TANC1: variants seen among roughly 807,000 people sequenced by gnomAD.
The protein encoded by TANC1 is protein TANC1.
In TANC1, 77 loss-of-function variants were observed where a neutral mutation model predicts 149.7. The ratio of observed to expected loss-of-function variants is 0.51; its 90% CI spans 0.43 to 0.62. The LOEUF (loss-of-function observed/expected upper bound fraction) is 0.62. Among genes scored for constraint, TANC1 ranks in the 20% least tolerant of loss-of-function variants. The pLI is 0.00. For synonymous variants in TANC1, 854 were observed against 925.0 expected, an observed-to-expected ratio of 0.92 and a Z score of 1.39; for missense variants, 1,985 against 2,321.8, an observed-to-expected ratio of 0.85 and a Z score of 2.98.
intron 19 of TANC1, among the ~76,000 whole-genome samples, chr2:159,202,540 G>A (rs1048976346): frequency 3.9e-5 from 6 of 152,106 alleles, no homozygotes; most frequent in African/African-American, 1.4e-4. Context: ...TCAGAACTCA[G>A]TTCTGTCGTT....
At chr2:159,093,925 A>G (rs529327335) in intron 3 of TANC1, among the ~76,000 whole-genome samples, 178 of 152,324 alleles carry the variant, frequency 1.2e-3, no homozygotes, top group African/African-American at 4.0e-3. Context: ...TATGGGCAGA[A>G]TTTATAATTA....
chr2:158,996,767 C>T (rs1278079371), intron 1 of TANC1, among the ~76,000 whole-genome samples: 3 of 152,028 alleles, frequency 2.0e-5, no homozygotes, highest in African/African-American at 4.8e-5. Flanking sequence ...CAGGGATACA[C>T]GTAGACATAA....
intron 21 of TANC1, 154 bp from the exon 22 acceptor site, chr2:159,219,538 T>G: frequency 2.4e-6 from 3 of 1,242,144 alleles, no homozygotes; most frequent in Admixed American, 1.9e-5. Context: ...TCAGCAGCGA[T>G]GACCATTCTG....
intron 4 of TANC1, among the ~76,000 whole-genome samples, chr2:159,123,879 A>G (rs2049113405): frequency 6.6e-6 from 1 of 152,142 alleles, no homozygotes; most frequent in Non-Finnish European, 1.5e-5. Flanking sequence ...CAGTGACGCC[A>G]GTCTCCCCTC....
rs138952056 is a variant in TANC1 at position 159,031,101 on chromosome 2, GCTCC to G, written c.-16+29913_-16+29916del. 2.6e-3 allele frequency among the ~76,000 whole-genome samples: 403 copies of G among 152,278 alleles called. 3 individuals are homozygous for G. The highest frequency in any genetic ancestry group is 9.5e-3 in the African/African-American group (393 of 41,546). The stretch of plus-strand genomic sequence containing the variant: ...GCAGATTATCCAGAGAGGGTCTCAG[GCTCC>G]TTATCAGAACTGAGCTAGAGGGTGA... On this transcript the variant is annotated intron_variant, in intron 2 of 26. Transcript: ENST00000263635.
intron 3 of TANC1, among the ~76,000 whole-genome samples, chr2:159,071,343 G>C (rs1174697302): frequency 6.6e-6 from 1 of 152,074 alleles, no homozygotes; most frequent in Non-Finnish European, 1.5e-5. Flanking sequence ...TAAATTATTT[G>C]TGCTTTATTT....
intron 9 of TANC1, 45 bp from the exon 10 acceptor site, chr2:159,170,479 T>C (rs2055084495): frequency 2.0e-6 from 3 of 1,525,352 alleles, no homozygotes; most frequent in Non-Finnish European, 2.7e-6. Context: ...TCTTAGTTTA[T>C]AAAATTATGA....
chr2:159,010,389 G>A (rs536748837), intron 2 of TANC1, among the ~76,000 whole-genome samples: 3 of 152,208 alleles, frequency 2.0e-5, no homozygotes, highest in Non-Finnish European at 2.9e-5. Context: ...AGAATCTGGG[G>A]TTGCTAGGAG....
Position 159,149,176 on chromosome 2 carries a change from G to A in TANC1, c.399G>A (p.Pro133=), listed in dbSNP as rs772559431. 6.8e-6 allele frequency: 11 copies of A among 1,609,922 alleles called. No homozygotes were observed. The highest frequency in any genetic ancestry group is 6.6e-5 in the South Asian group (6 of 90,630). Residue 133 remains proline, a synonymous_variant, in exon 6 of 27, where the codon CCG becomes CCA. Transcript: ENST00000263635. ...AKADNEPSCS[P]AAQELLTRLG... is the part of the protein sequence containing the mutation. ...CCGATAATGAACCGAGCTGTTCGCCGGCAGCTCAAGAACTGTTGACAAGGC... is the reference window on the plus strand; with the variant it reads ...CCGATAATGAACCGAGCTGTTCGCCAGCAGCTCAAGAACTGTTGACAAGGC...
At chr2:159,060,954 T>C (rs561288011) in intron 2 of TANC1, among the ~76,000 whole-genome samples, 2 of 152,216 alleles carry the variant, frequency 1.3e-5, no homozygotes, top group Non-Finnish European at 2.9e-5. Context: ...AAATACATAA[T>C]GTAGAGAGGT....
intron 2 of TANC1, among the ~76,000 whole-genome samples, chr2:159,057,343 C>T (rs1309667141): frequency 4.6e-5 from 7 of 152,238 alleles, no homozygotes; most frequent in Non-Finnish European, 5.9e-5. Flanking sequence ...GCTTCCTGCT[C>T]ATGTTTGTCC....
intron 19 of TANC1, among the ~76,000 whole-genome samples, chr2:159,210,004 A>C (rs1486184249): frequency 6.6e-6 from 1 of 152,204 alleles, no homozygotes; most frequent in Non-Finnish European, 1.5e-5. Flanking sequence ...AATACAAGCA[A>C]GTAAATTGCA....
chr2:159,176,700 A>G (rs1021872556), intron 13 of TANC1, among the ~76,000 whole-genome samples, 182 bp downstream of exon 13: 1 of 152,158 alleles, frequency 6.6e-6, no homozygotes, highest in Admixed American at 6.5e-5. Context: ...AGCCCCAGGT[A>G]TATTTATCAA....
intron 2 of TANC1, among the ~76,000 whole-genome samples, chr2:159,062,991 A>AAG (rs1553534847): frequency 6.8e-6 from 1 of 147,094 alleles, no homozygotes; most frequent in Non-Finnish European, 1.5e-5. Flanking sequence ...AAAAAAAAAA[A>AAG]AAAAGAAAGC....
chr2:158,995,416 A>G (rs2036037672), intron 1 of TANC1, among the ~76,000 whole-genome samples: 1 of 152,186 alleles, frequency 6.6e-6, no homozygotes, highest in Non-Finnish European at 1.5e-5. Context: ...TTAATCTTTG[A>G]AAACCCTGAG....
chr2:159,084,837 C>A (rs1574547609), intron 3 of TANC1, among the ~76,000 whole-genome samples: 1 of 152,250 alleles, frequency 6.6e-6, no homozygotes, highest in East Asian at 1.9e-4. Flanking sequence ...AATATGCTAT[C>A]TGGGACAGTC....
intron 17 of TANC1, among the ~76,000 whole-genome samples, chr2:159,196,161 C>G (rs1255519479): frequency 1.3e-5 from 2 of 152,180 alleles, no homozygotes; most frequent in African/African-American, 4.8e-5. Context: ...TTCCACATCC[C>G]TCTCTTTCTT....
intron 19 of TANC1, among the ~76,000 whole-genome samples, chr2:159,205,018 CT>C (rs1355548489): frequency 6.6e-6 from 1 of 152,248 alleles, no homozygotes; most frequent in Non-Finnish European, 1.5e-5. Context: ...GATCTTGAGC[CT>C]CAGGCAGTGC....
At position 159,186,926 on chromosome 2, in the gene TANC1, T is replaced by G. The variant is rs987527475; in HGVS notation, c.2644T>G (p.Ser882Ala). 3 of 1,614,100 alleles carry G rather than the reference T, an allele frequency of 1.9e-6. No individual in the cohort carries two copies. Among genetic ancestry groups the G allele is most frequent in the Admixed American group, 3.3e-5 (2 of 60,002 alleles). The change falls in exon 16 of 27, where the codon TCT becomes GCT. Residue 882 changes from serine (S) to alanine (A), a missense_variant. Physicochemically the swap from Ser to Ala is moderately conservative, Grantham distance 99 (BLOSUM62 1). Transcript: ENST00000263635. The part of the protein sequence containing the change: ...FKGLSKKTGI[S>A]SSHLQALWIG... ...GGGCCTCAGTAAGAAGACGGGAATT[T>G]CTTCAAGCCATCTCCAAGCCCTGTG...
Sources: gnomAD v4.1 joint callset for allele counts (sites outside exome capture counted in the v4.1 genomes callset) on GRCh38, gnomAD v4.1.1 for gene constraint, MANE v1.5 for transcripts, NCBI Gene and HGNC (gene_info 2026-07-23, HGNC 2026-07-21) for gene names.